SLC9A9: variants seen among roughly 807,000 people sequenced by gnomAD.
SLC9A9 encodes sodium/hydrogen exchanger 9.
Under a neutral mutation model 77.8 loss-of-function variants are expected in SLC9A9, and 62 were observed. The observed-to-expected ratio is 0.80, with a 90% CI of 0.65 to 0.98. SLC9A9 has a LOEUF of 0.98. SLC9A9 is among the 50% of genes least tolerant of loss of function. The probability of loss-of-function intolerance (pLI) is 0.00; values close to 1 mark genes in which losing one functional copy is unlikely to be tolerated. For synonymous variants in SLC9A9, 320 were observed against 283.5 expected, an observed-to-expected ratio of 1.13 and a Z score of -1.29; for missense variants, 775 against 774.9, an observed-to-expected ratio of 1.00 and a Z score of 0.00.
At chr3:143,708,597 T>G (rs1124329) in intron 4 of SLC9A9, among the ~76,000 whole-genome samples, 33,829 of 152,164 alleles carry the variant, frequency 0.22, 3,913 homozygotes, top group African/African-American at 0.29. Context: ...CTCTATTCAC[T>G]GACCAGTTTG....
chr3:143,362,832 C>A (rs1279169611), intron 14 of SLC9A9, among the ~76,000 whole-genome samples: 1 of 152,184 alleles, frequency 6.6e-6, no homozygotes, highest in East Asian at 1.9e-4. Context: ...CCTGACTTAG[C>A]CCCACGAATC....
intron 11 of SLC9A9, among the ~76,000 whole-genome samples, chr3:143,471,008 G>A (rs913247966): frequency 2.6e-5 from 4 of 152,158 alleles, no homozygotes; most frequent in African/African-American, 4.8e-5. Context: ...CCACTATCTC[G>A]TGGCAGGTTG....
chr3:143,541,128 C>A (rs2036683400), intron 9 of SLC9A9, among the ~76,000 whole-genome samples: 1 of 152,116 alleles, frequency 6.6e-6, no homozygotes, highest in Admixed American at 6.5e-5. Context: ...GCTCATGGTC[C>A]AATTTTACGG....
At chr3:143,623,829 A>G (rs1414329438) in intron 6 of SLC9A9, among the ~76,000 whole-genome samples, 4 of 152,100 alleles carry the variant, frequency 2.6e-5, no homozygotes, top group Non-Finnish European at 4.4e-5. Flanking sequence ...TCCAGGAGCT[A>G]GTTTTTTGAA....
chr3:143,312,325 A>T (rs1245735217), intron 14 of SLC9A9, among the ~76,000 whole-genome samples: 2 of 152,254 alleles, frequency 1.3e-5, no homozygotes, highest in Non-Finnish European at 2.9e-5. Context: ...TCACAAAAGC[A>T]CCTCTACCAA....
intron 1 of SLC9A9, among the ~76,000 whole-genome samples, chr3:143,843,760 G>A (rs1486050690): frequency 1.3e-5 from 2 of 152,146 alleles, no homozygotes; most frequent in East Asian, 1.9e-4. Flanking sequence ...GGAGCAAGGA[G>A]CAAATTTCTT....
chr3:143,621,373 G>A (rs2038210134), intron 6 of SLC9A9, among the ~76,000 whole-genome samples: 1 of 152,184 alleles, frequency 6.6e-6, no homozygotes. Flanking sequence ...CCCAGTAGGG[G>A]CAGACTGACA....
chr3:143,508,504 G>A (rs1360554066), intron 9 of SLC9A9, among the ~76,000 whole-genome samples: 1 of 152,142 alleles, frequency 6.6e-6, no homozygotes, highest in Non-Finnish European at 1.5e-5. Flanking sequence ...TTCATAACCA[G>A]CTTGAAGATT....
At chr3:143,587,362 T>G (rs533838162) in intron 6 of SLC9A9, among the ~76,000 whole-genome samples, 1 of 152,090 alleles carries the variant, frequency 6.6e-6, no homozygotes, top group South Asian at 2.1e-4. Flanking sequence ...AAAAGAAAAA[T>G]AAAACAGCAA....
At chr3:143,806,515 GA>G (rs893040399) in intron 2 of SLC9A9, among the ~76,000 whole-genome samples, 42 of 150,330 alleles carry the variant, frequency 2.8e-4, no homozygotes, top group African/African-American at 9.8e-4. Flanking sequence ...TGCTCAACTG[GA>G]AAAAAAAACT....
chr3:143,513,423 T>C (rs58052469), intron 9 of SLC9A9, among the ~76,000 whole-genome samples: 1 of 152,282 alleles, frequency 6.6e-6, no homozygotes, highest in East Asian at 1.9e-4. Flanking sequence ...TTTAATTCTA[T>C]TTCTCTTGCT....
chr3:143,300,065 C>A (rs923931884), intron 14 of SLC9A9, among the ~76,000 whole-genome samples: 4 of 152,168 alleles, frequency 2.6e-5, no homozygotes, highest in Non-Finnish European at 5.9e-5. Flanking sequence ...AATGTCTTGG[C>A]ACTTGTAGCC....
At chr3:143,693,018 C>G (rs1177699605) in intron 5 of SLC9A9, among the ~76,000 whole-genome samples, 174 bp downstream of exon 5, 1 of 152,138 alleles carries the variant, frequency 6.6e-6, no homozygotes, top group African/African-American at 2.4e-5. Flanking sequence ...TTCTTTAGCA[C>G]TATCAAAATA....
chr3:143,574,049 T>C (rs369502266), intron 8 of SLC9A9, 39 bp downstream of exon 8: 29 of 1,560,502 alleles, frequency 1.9e-5, no homozygotes, highest in Non-Finnish European at 2.5e-5. Context: ...CACACACATA[T>C]TCACACATCC....
At chr3:143,588,647 T>A (rs2037595517) in intron 6 of SLC9A9, among the ~76,000 whole-genome samples, 1 of 152,254 alleles carries the variant, frequency 6.6e-6, no homozygotes, top group Non-Finnish European at 1.5e-5. Flanking sequence ...TGAAACATGT[T>A]GTCAGAATTG....
intron 13 of SLC9A9, among the ~76,000 whole-genome samples, chr3:143,373,540 C>T (rs2033103792): frequency 6.9e-6 from 1 of 144,170 alleles, no homozygotes; most frequent in African/African-American, 2.6e-5. Flanking sequence ...AAATCTCAGA[C>T]TTCACCACTA....
intron 12 of SLC9A9, among the ~76,000 whole-genome samples, chr3:143,440,471 T>C (rs2034712714): frequency 6.6e-6 from 1 of 152,144 alleles, no homozygotes; most frequent in African/African-American, 2.4e-5. Flanking sequence ...GGACAAGTCA[T>C]ATACATGAAG....
intron 4 of SLC9A9, among the ~76,000 whole-genome samples, chr3:143,717,744 G>A (rs1238576438): frequency 3.3e-5 from 5 of 152,140 alleles, no homozygotes; most frequent in African/African-American, 1.2e-4. Context: ...CACCCCATTT[G>A]TTGGAAGGTG....
chr3:143,267,227 G>C (rs192962925), intron 15 of SLC9A9, among the ~76,000 whole-genome samples: 2 of 152,106 alleles, frequency 1.3e-5, no homozygotes, highest in East Asian at 3.9e-4. Context: ...GTATTAACTA[G>C]GGTTGACAGG....
Sources: gnomAD v4.1 joint callset for allele counts (sites outside exome capture counted in the v4.1 genomes callset) on GRCh38, gnomAD v4.1.1 for gene constraint, MANE v1.5 for transcripts, NCBI Gene and HGNC (gene_info 2026-07-23, HGNC 2026-07-21) for gene names.